Variants in THOC1 observed in about 807,000 individuals in gnomAD.
THOC1 encodes THO complex subunit 1.
THOC1 carries 29 observed loss-of-function variants against 97.3 expected under a neutral mutation model. The ratio of observed to expected loss-of-function variants is 0.30; its 90% confidence interval spans 0.22 to 0.41. THOC1 has a LOEUF of 0.41. THOC1 is among the 10% of genes least tolerant of loss of function. The pLI, the probability that THOC1 is intolerant of heterozygous loss-of-function variation, is 1.00. For missense variants in THOC1, 529 were observed against 761.9 expected, an observed-to-expected ratio of 0.69 and a Z score of 3.60; for synonymous variants, 255 against 257.0, an observed-to-expected ratio of 0.99 and a Z score of 0.07.
At chr18:232,158 T>C (rs1209067329) in intron 11 of THOC1, among the ~76,000 whole-genome samples, 3 of 152,190 alleles carry the variant, frequency 2.0e-5, no homozygotes, top group Non-Finnish European at 4.4e-5. Flanking sequence ...TGCAGGAGCA[T>C]GAATATGGCT....
chr18:226,717 A>G (rs1477513831), intron 12 of THOC1, 84 bp downstream of exon 12: 1 of 937,644 alleles, frequency 1.1e-6, no homozygotes, highest in Non-Finnish European at 1.6e-6. Flanking sequence ...CATGAAATGG[A>G]CACATACATA....
At chr18:249,077 T>C (rs1912190869) in intron 9 of THOC1, among the ~76,000 whole-genome samples, 1 of 152,152 alleles carries the variant, frequency 6.6e-6, no homozygotes, top group Non-Finnish European at 1.5e-5. Context: ...AAACAGCTAA[T>C]ATCTGATAAA....
chr18:266,902 AG>A (rs1001133873), intron 1 of THOC1, among the ~76,000 whole-genome samples: 1 of 152,166 alleles, frequency 6.6e-6, no homozygotes, highest in African/African-American at 2.4e-5. Context: ...CAGAGATTGC[AG>A]CAAAACGCAC....
At chr18:257,978 CTA>C (rs1278349471) in intron 7 of THOC1, among the ~76,000 whole-genome samples, 1 of 151,888 alleles carries the variant, frequency 6.6e-6, no homozygotes, top group Non-Finnish European at 1.5e-5. Context: ...TTTTTACAAA[CTA>C]GATGGAAGAA....
chr18:248,141 T>TA (rs1168033239), intron 9 of THOC1, among the ~76,000 whole-genome samples, 184 bp from the exon 10 acceptor site: 2 of 152,000 alleles, frequency 1.3e-5, no homozygotes, highest in African/African-American at 4.8e-5. Flanking sequence ...TAGACCCCAA[T>TA]AGACTCTTTA....
Position 260,309 on chromosome 18 carries a change from A to G in THOC1, c.257-5T>C. 1 of 1,516,910 alleles carries G rather than the reference A, an allele frequency of 6.6e-7. No individual in the cohort carries two copies. The highest frequency in any genetic ancestry group is 2.3e-5 in the Admixed American group (1 of 43,340). 94.0% of individuals were successfully genotyped at this position (1,516,910 alleles called of 1,614,324 possible). The stretch of plus-strand genomic sequence containing the variant: ...GTGTAGATGCGGTACAAATACCTTC[A>G]AGTGGAGCACAAGCCAATTTAAAAG... On this transcript the variant is annotated splice_region_variant and splice_polypyrimidine_tract_variant and intron_variant, in intron 4 of 20. Coordinates refer to ENST00000261600, the MANE Select transcript of THOC1 (RefSeq NM_005131.3).
At position 226,854 on chromosome 18, in the gene THOC1, C is replaced by T. The variant is rs547089014; in HGVS notation, c.966G>A (p.Leu322=). 13 of 1,612,156 alleles carry T rather than the reference C, an allele frequency of 8.1e-6. No homozygotes were observed. Among genetic ancestry groups the T allele is most frequent in the Non-Finnish European group, 1.1e-5 (13 of 1,179,152 alleles). The part of the protein sequence containing the change: ...LSDSNFRRHI[L]LQYLILFQYL... ...ATTGGAATAAAATGAGATACTGCAA[C>T]AGGATGTGTCGACGAAAGTTACTGT... Residue 322 remains leucine (L), a synonymous_variant, in exon 12 of 21, where the codon CTG becomes CTA. Transcript: ENST00000261600.
At chr18:220,564 T>C (rs140909951) in intron 17 of THOC1, among the ~76,000 whole-genome samples, 1 of 152,232 alleles carries the variant, frequency 6.6e-6, no homozygotes, top group Middle Eastern at 3.2e-3. Flanking sequence ...ATAATTCTTA[T>C]AAAATCTGGG....
rs1249681716 is a variant in THOC1, at chr18:225,376, T to C, written c.1047A>G (p.Gln349=). 3.7e-6 allele frequency: 6 copies of C among 1,613,504 alleles called. No individual in the cohort carries two copies. The highest frequency in any genetic ancestry group is 1.6e-4 in the Middle Eastern group (1 of 6,070). The change falls in exon 13 of 21, where the codon CAA becomes CAG. Residue 349 remains glutamine (Q), a synonymous_variant. Transcript: ENST00000261600. ...KSSNYVLTDE[Q]SLWIEDTTKS... Reference sequence around the variant, plus strand: ...TTGTAGTATCTTCAATCCAAAGTGATTGCTCATCAGTTAAAACATAGTTTG... The same window carrying C: ...TTGTAGTATCTTCAATCCAAAGTGACTGCTCATCAGTTAAAACATAGTTTG...
chr18:245,227 A>G (rs956630661), intron 11 of THOC1: 1 of 152,062 alleles, frequency 6.6e-6, no homozygotes, highest in African/African-American at 2.4e-5. Flanking sequence ...CATTAGATTT[A>G]TGGATTTTGG....
intron 4 of THOC1, among the ~76,000 whole-genome samples, chr18:262,586 A>G (rs1243825422): frequency 3.3e-5 from 5 of 152,240 alleles, no homozygotes; most frequent in Admixed American, 2.6e-4. Context: ...AAAGGTAATC[A>G]ATGAACTCAG....
chr18:254,036 G>C lies in THOC1; in HGVS notation c.603+237C>G, dbSNP rs745974370. ...GGCGATTCTCCCACCTCAGCCTCTCGAGTAGCTGGGACCACAGGCGTGCAC... is the reference window on the plus strand; with the variant it reads ...GGCGATTCTCCCACCTCAGCCTCTCCAGTAGCTGGGACCACAGGCGTGCAC... On this transcript the variant is annotated intron_variant, in intron 8 of 20. Coordinates refer to ENST00000261600, the MANE Select transcript of THOC1 (RefSeq NM_005131.3). This position sits in a 1 kb window ranked among gnomAD's most constrained non-coding sequence, Gnocchi z 4.1. Among the ~76,000 whole-genome samples the C allele has an allele frequency of 6.6e-6, 1 of 151,218 alleles. No individual in the cohort carries two copies. The highest frequency in any genetic ancestry group is 1.5e-5 in the Non-Finnish European group (1 of 67,862).
At chr18:247,320 A>T (rs949822173) in intron 10 of THOC1, among the ~76,000 whole-genome samples, 4 of 152,248 alleles carry the variant, frequency 2.6e-5, no homozygotes, top group Admixed American at 1.3e-4. Flanking sequence ...AATTCTTCTA[A>T]AACAGGATTG....
intron 11 of THOC1, among the ~76,000 whole-genome samples, chr18:235,271 T>A (rs1311554464): frequency 6.6e-6 from 1 of 152,138 alleles, no homozygotes; most frequent in African/African-American, 2.4e-5. Flanking sequence ...GCACAAGCTC[T>A]GGATTTCTTT....
Position 215,406 on chromosome 18 carries a change from A to G in THOC1, c.1678+23T>C. 4 of 1,597,774 alleles carry G rather than the reference A, an allele frequency of 2.5e-6. No homozygotes were observed. In the South Asian group the frequency reaches 4.4e-5, roughly 18 times the overall value. ...CCAATCGTCTTCAATTTTGTTAAAT[A>G]ACCAAGAAAATTCAGTTCTTACTTT... On this transcript the variant is annotated intron_variant, in intron 20 of 20. Transcript: ENST00000261600.
chr18:254,230 A>T lies in THOC1; in HGVS notation c.603+43T>A. 1 of 1,390,752 alleles carries T rather than the reference A, an allele frequency of 7.2e-7. No individual in the cohort carries two copies. The highest frequency in any genetic ancestry group is 1.0e-6 in the Non-Finnish European group (1 of 999,376). The allele number at this position is 1,390,752 out of a possible 1,614,324, so 86.2% of individuals were successfully genotyped here. A position where few individuals can be genotyped will look rare whatever the true frequency, so the allele number is the denominator to read the frequency against. On this transcript the variant is annotated intron_variant, in intron 8 of 20. Transcript: ENST00000261600. This position sits in a 1 kb window ranked among gnomAD's most constrained non-coding sequence, Gnocchi z 4.1. ...CCTGGACCCACTATCTTAATAACAAACTTGCAAATATGTTATCTGAGAAGA... is the reference window on the plus strand; with the variant it reads ...CCTGGACCCACTATCTTAATAACAATCTTGCAAATATGTTATCTGAGAAGA...
At chr18:264,372 C>T (rs1912699105) in intron 3 of THOC1, among the ~76,000 whole-genome samples, 1 of 152,206 alleles carries the variant, frequency 6.6e-6, no homozygotes, top group Non-Finnish European at 1.5e-5. Flanking sequence ...ATAAGCTAAT[C>T]AAGGACAGAA....
At position 214,727 on chromosome 18, in the gene THOC1, C is replaced by CCT; in HGVS notation, c.1871_1872dup (p.Gly625ArgfsTer10). 1 of 1,613,842 alleles carries CCT rather than the reference C, an allele frequency of 6.2e-7. No individual in the cohort carries two copies. The highest frequency in any genetic ancestry group is 1.3e-5 in the African/African-American group (1 of 75,002). On this transcript the variant is annotated frameshift_variant, in exon 21 of 21. Coordinates refer to ENST00000261600, the MANE Select transcript of THOC1 (RefSeq NM_005131.3). LOFTEE classifies it high-confidence loss of function. ...AGATTCTCAGGTGTTGCATGAACTC[C>CCT]CTCTTGATCTTGCCAGGCAACCAGG... is the stretch of plus-strand genomic sequence containing the variant.
At chr18:263,278 A>G (rs1912661504) in intron 4 of THOC1, among the ~76,000 whole-genome samples, 2 of 151,672 alleles carry the variant, frequency 1.3e-5, no homozygotes, top group Middle Eastern at 3.4e-3. Flanking sequence ...ACGGGGTTTC[A>G]TCGTGTTAGC....
Sources: allele counts gnomAD v4.1 joint callset (sites outside exome capture counted in the v4.1 genomes callset), GRCh38; gene constraint gnomAD v4.1.1; non-coding constraint Gnocchi (gnomAD v3.1); transcripts MANE v1.5; gene names NCBI Gene and HGNC (gene_info 2026-07-23, HGNC 2026-07-21).